NFYC: variants seen among roughly 807,000 people sequenced by gnomAD.
NFYC encodes nuclear transcription factor Y subunit gamma, also known as CAAT box DNA-binding protein subunit C.
In NFYC, 25 loss-of-function variants were observed where a neutral mutation model predicts 53.1. The ratio of observed to expected loss-of-function variants is 0.47; its 90% confidence interval spans 0.34 to 0.66. The LOEUF (loss-of-function observed/expected upper bound fraction) is 0.66, where lower values mean the gene tolerates loss of function less well. Ranked by LOEUF, NFYC falls within the 30% of genes least tolerant of loss-of-function variation. The pLI is 0.01. For missense variants in NFYC, 260 were observed against 422.7 expected, an observed-to-expected ratio of 0.62 and a Z score of 3.38; for synonymous variants, 145 against 152.6, an observed-to-expected ratio of 0.95 and a Z score of 0.37.
intron 2 of NFYC, among the ~76,000 whole-genome samples, chr1:40,742,834 G>A (rs1358804544): frequency 6.6e-6 from 1 of 152,094 alleles, no homozygotes; most frequent in Non-Finnish European, 1.5e-5. Flanking sequence ...CTCTTCTCAG[G>A]AGTGCAACAC....
intron 3 of NFYC, among the ~76,000 whole-genome samples, chr1:40,748,467 A>G (rs1645737189): frequency 6.6e-6 from 1 of 152,142 alleles, no homozygotes; most frequent in Non-Finnish European, 1.5e-5. Flanking sequence ...ACAGTGTAGT[A>G]TATACATGTA....
chr1:40,707,352 G>A (rs1643745668), intron 1 of NFYC, among the ~76,000 whole-genome samples: 1 of 150,920 alleles, frequency 6.6e-6, no homozygotes, highest in South Asian at 2.1e-4. Flanking sequence ...AAATTAGCTG[G>A]GCATGGTGGT....
chr1:40,746,061 A>C (rs1284620469), intron 2 of NFYC, among the ~76,000 whole-genome samples: 3 of 152,116 alleles, frequency 2.0e-5, no homozygotes, highest in African/African-American at 4.8e-5. Flanking sequence ...CTATTAGTTG[A>C]GTTGCTTGAA....
intron 1 of NFYC, among the ~76,000 whole-genome samples, chr1:40,736,926 A>C (rs1399628359): frequency 6.6e-6 from 1 of 150,508 alleles, no homozygotes; most frequent in Non-Finnish European, 1.5e-5. Flanking sequence ...CAGGAGTTTG[A>C]GGCAGCCTGG....
intron 3 of NFYC, 37 bp from the exon 4 acceptor site, chr1:40,749,536 G>A: frequency 6.5e-7 from 1 of 1,534,884 alleles, no homozygotes. Context: ...TGCATGACTT[G>A]CTGGTGATTG....
At chr1:40,694,928 C>G (rs1405918193) in intron 1 of NFYC, among the ~76,000 whole-genome samples, 5 of 152,176 alleles carry the variant, frequency 3.3e-5, no homozygotes, top group African/African-American at 1.2e-4. Context: ...TCTGTTATCT[C>G]ATTTATACTT....
chr1:40,699,282 A>G lies in NFYC; in HGVS notation c.-9+7415A>G, dbSNP rs180689050. Among the ~76,000 whole-genome samples the G allele has an allele frequency of 4.9e-4, 74 of 152,348 alleles. 1 individual carries two copies. In the East Asian group the frequency reaches 0.01, roughly 21 times the overall value. On this transcript the variant is annotated intron_variant, in intron 1 of 9. Coordinates refer to ENST00000447388, the MANE Select transcript of NFYC (RefSeq NM_014223.5). ...TAAATCTGAAGTACTGAAGGTTTTC[A>G]CAATCCCAAATTACTGTTGCCCTTG...
chr1:40,696,640 C>G (rs1643163130), intron 1 of NFYC, among the ~76,000 whole-genome samples: 1 of 152,174 alleles, frequency 6.6e-6, no homozygotes, highest in South Asian at 2.1e-4. Flanking sequence ...CTTTAAGTGA[C>G]AGGTTTACTT....
intron 1 of NFYC, among the ~76,000 whole-genome samples, chr1:40,705,387 G>A (rs529402107): frequency 9.1e-4 from 137 of 150,838 alleles, no homozygotes; most frequent in African/African-American, 3.2e-3. Flanking sequence ...GATAAGGCCT[G>A]TTGGCCTTCT....
At chr1:40,749,193 C>G (rs923087672) in intron 3 of NFYC, among the ~76,000 whole-genome samples, 3 of 152,160 alleles carry the variant, frequency 2.0e-5, no homozygotes, top group African/African-American at 7.2e-5. Context: ...TTATCCAAAT[C>G]CATTGGCTTT....
intron 5 of NFYC, among the ~76,000 whole-genome samples, chr1:40,756,207 A>G (rs1408546189): frequency 3.9e-5 from 6 of 152,230 alleles, no homozygotes; most frequent in African/African-American, 9.6e-5. Flanking sequence ...CTTGGCTGCA[A>G]AAGGTATCAG....
intron 1 of NFYC, among the ~76,000 whole-genome samples, chr1:40,719,101 C>T (rs1644243568): frequency 6.6e-6 from 1 of 152,182 alleles, no homozygotes; most frequent in Non-Finnish European, 1.5e-5. Flanking sequence ...GATCTTATGA[C>T]CTCGTGATCT....
At chr1:40,715,821 AC>A (rs996281742) in intron 1 of NFYC, among the ~76,000 whole-genome samples, 1 of 152,238 alleles carries the variant, frequency 6.6e-6, no homozygotes, top group African/African-American at 2.4e-5. Flanking sequence ...AGAAAAAAAA[AC>A]ATAGTAAATG....
chr1:40,717,436 TACA>T (rs922528640), intron 1 of NFYC, among the ~76,000 whole-genome samples: 4 of 152,342 alleles, frequency 2.6e-5, no homozygotes, highest in Admixed American at 1.3e-4. Context: ...TCCAGGCGTG[TACA>T]ACAAGGTAAA....
In NFYC at chr1:40,766,581, C is replaced by G. The variant is rs374525886; in HGVS notation, c.721-15C>G. On this transcript the variant is annotated splice_polypyrimidine_tract_variant and intron_variant, in intron 7 of 9. Coordinates refer to ENST00000447388, the MANE Select transcript of NFYC (RefSeq NM_014223.5). ...TCAATGTCTTATGGTCTCTTTGTCT[C>G]TGCCCCTGCCCTAGGTGCAGCTGAA... The G allele has an allele frequency of 3.1e-6, 5 of 1,599,940 alleles. No individual in the cohort carries two copies. The highest frequency in any genetic ancestry group is 4.3e-6 in the Non-Finnish European group (5 of 1,169,552).
In NFYC at chr1:40,714,739, G is replaced by A. The variant is rs371621574; in HGVS notation, c.-9+22872G>A. On this transcript the variant is annotated intron_variant, in intron 1 of 9. Coordinates refer to ENST00000447388, the MANE Select transcript of NFYC (RefSeq NM_014223.5). The stretch of plus-strand genomic sequence containing the variant: ...AAGCAGTCCTCCCACCTCAGCCTCC[G>A]AGTAATTGGGACTACAGATGCACGC... 7.4e-4 allele frequency among the ~76,000 whole-genome samples: 113 copies of A among 151,956 alleles called. No homozygotes were observed. In the Middle Eastern group the frequency reaches 0.01, roughly 14 times the overall value.
In NFYC at chr1:40,770,874, A is replaced by G; in HGVS notation, c.*46A>G. 6.3e-7 allele frequency: 1 copy of G among 1,594,112 alleles called. No homozygotes were observed. The highest frequency in any genetic ancestry group is 8.5e-7 in the Non-Finnish European group (1 of 1,174,906). Reference sequence around the variant, plus strand: ...AAGGACACCCAACACAATTTTTGCCATACAGCCCCAGGCAATGGGCACAGC... The same window carrying G: ...AAGGACACCCAACACAATTTTTGCCGTACAGCCCCAGGCAATGGGCACAGC... On this transcript the variant is annotated 3_prime_UTR_variant, in exon 10 of 10. Coordinates refer to ENST00000447388, the MANE Select transcript of NFYC (RefSeq NM_014223.5). This position sits in a 1 kb window ranked among gnomAD's most constrained non-coding sequence, Gnocchi z 5.3.
intron 2 of NFYC, 64 bp from the exon 3 acceptor site, chr1:40,747,470 T>A (rs1008348104): frequency 5.3e-6 from 6 of 1,121,618 alleles, no homozygotes; most frequent in Non-Finnish European, 8.2e-6. Context: ...TCCTACTGCC[T>A]GTCATGCTTT....
At chr1:40,768,738 T>A (rs910988860) in intron 8 of NFYC, 1 of 152,640 alleles carries the variant, frequency 6.6e-6, no homozygotes, top group African/African-American at 2.4e-5. Context: ...ATGTTGTCTT[T>A]GTTCCACTCC....
Sources: gnomAD v4.1 joint callset for allele counts (sites outside exome capture counted in the v4.1 genomes callset) on GRCh38, gnomAD v4.1.1 for gene constraint, Gnocchi (gnomAD v3.1) non-coding constraint, MANE v1.5 for transcripts, NCBI Gene and HGNC (gene_info 2026-07-23, HGNC 2026-07-21) for gene names.